The following CLEC16A variants were observed in gnomAD, a reference collection of about 807,000 sequenced individuals.
The protein encoded by CLEC16A is C-type lectin domain containing 16A, also known as protein CLEC16A.
In CLEC16A, 51 loss-of-function variants were observed where a neutral mutation model predicts 109.5. That is an observed-to-expected ratio of 0.47 (90% CI 0.37 to 0.59). The LOEUF (loss-of-function observed/expected upper bound fraction) is 0.59, where lower values mean the gene tolerates loss of function less well. Ranked by LOEUF, CLEC16A falls within the 20% of genes least tolerant of loss-of-function variation. CLEC16A has a pLI of 0.00. For missense variants in CLEC16A, 1,339 were observed against 1,394.0 expected (o/e 0.96, Z 0.63); for synonymous variants, 673 against 564.2 (o/e 1.19, Z -2.73).
At chr16:11,150,734 T>C (rs1271145947) in intron 22 of CLEC16A, among the ~76,000 whole-genome samples, 3 of 152,162 alleles carry the variant, frequency 2.0e-5, no homozygotes, top group Admixed American at 6.6e-5. Context: ...ACAGCAGAAA[T>C]TGATTGTCTC....
At chr16:10,965,787 G>A (rs1317475760) in intron 3 of CLEC16A, among the ~76,000 whole-genome samples, 1 of 152,166 alleles carries the variant, frequency 6.6e-6, no homozygotes, top group Non-Finnish European at 1.5e-5. Flanking sequence ...GATAATAGAG[G>A]CACCTCCAAC....
intron 19 of CLEC16A, among the ~76,000 whole-genome samples, chr16:11,105,323 C>T (rs1229372018): frequency 6.6e-6 from 1 of 152,166 alleles, no homozygotes; most frequent in Non-Finnish European, 1.5e-5. Context: ...AGTTGTCAAG[C>T]TGTGAACTGC....
chr16:11,036,657 C>T (rs1046703257), intron 13 of CLEC16A, among the ~76,000 whole-genome samples: 1 of 148,826 alleles, frequency 6.7e-6, no homozygotes, highest in African/African-American at 2.5e-5. Flanking sequence ...TCAAGCAATT[C>T]TCATTTCTGA....
At chr16:11,028,918 T>C (rs1006087680) in intron 13 of CLEC16A, among the ~76,000 whole-genome samples, 2 of 152,222 alleles carry the variant, frequency 1.3e-5, no homozygotes, top group African/African-American at 4.8e-5. Flanking sequence ...TCCCTTTTGA[T>C]TTCTTGTGTT....
chr16:11,125,858 G>T lies in CLEC16A; in HGVS notation c.2474-121G>T, dbSNP rs971601532. ...CTTGAGGCTGCCTGCCGCCCACTTG[G>T]CGTCTCCCAAGTGATGTGCCTGGCA... On this transcript the variant is annotated intron_variant, in intron 21 of 23. Transcript: ENST00000409790. 10 of 941,680 alleles carry T rather than the reference G, an allele frequency of 1.1e-5. No homozygotes were observed. In the East Asian group the frequency reaches 1.5e-4, roughly 14 times the overall value. 58.3% of individuals were successfully genotyped at this position (941,680 alleles called of 1,614,324 possible). A position where few individuals can be genotyped will look rare whatever the true frequency, so the allele number is the denominator to read the frequency against.
chr16:11,143,343 A>G (rs143632317), intron 22 of CLEC16A, among the ~76,000 whole-genome samples: 2 of 152,278 alleles, frequency 1.3e-5, no homozygotes, highest in East Asian at 1.9e-4. Context: ...CTCAGTAGGG[A>G]TGGCACCAGG....
At chr16:11,034,169 A>G (rs1003553070) in intron 13 of CLEC16A, among the ~76,000 whole-genome samples, 1 of 152,238 alleles carries the variant, frequency 6.6e-6, no homozygotes, top group African/African-American at 2.4e-5. Context: ...GAACTTGCAC[A>G]ACGTCAGTTT....
At chr16:11,033,631 C>G (rs551441440) in intron 13 of CLEC16A, among the ~76,000 whole-genome samples, 3 of 152,300 alleles carry the variant, frequency 2.0e-5, no homozygotes, top group African/African-American at 7.2e-5. Flanking sequence ...TTTCCAGATC[C>G]TTACCCCCCA....
At chr16:10,956,528 C>T (rs943527142) in intron 1 of CLEC16A, among the ~76,000 whole-genome samples, 4 of 152,206 alleles carry the variant, frequency 2.6e-5, no homozygotes, top group East Asian at 1.9e-4. Flanking sequence ...CCTTCTCAAG[C>T]CTGAGCTCCC....
At chr16:11,032,948 A>T (rs2046827784) in intron 13 of CLEC16A, among the ~76,000 whole-genome samples, 1 of 152,168 alleles carries the variant, frequency 6.6e-6, no homozygotes, top group African/African-American at 2.4e-5. Flanking sequence ...GGAAGTTTTT[A>T]AAAGAAACGT....
chr16:10,968,936 C>T (rs922380336), intron 3 of CLEC16A, among the ~76,000 whole-genome samples: 10 of 150,758 alleles, frequency 6.6e-5, no homozygotes, highest in African/African-American at 1.2e-4. Flanking sequence ...TGTGGGAGGG[C>T]GGGGAAGGGC....
At chr16:10,972,438 C>A in intron 5 of CLEC16A, 116 bp from the exon 6 acceptor site, 1 of 864,032 alleles carries the variant, frequency 1.2e-6, no homozygotes, top group Non-Finnish European at 1.9e-6. Context: ...AGATGCCTCC[C>A]ACCCTAGTCT....
intron 3 of CLEC16A, among the ~76,000 whole-genome samples, chr16:10,965,640 G>A (rs987973566): frequency 6.6e-6 from 1 of 152,236 alleles, no homozygotes; most frequent in Non-Finnish European, 1.5e-5. Context: ...AAATGCACCT[G>A]TTGCCTGTTG....
In CLEC16A at chr16:11,126,052, G is replaced by A. The variant is rs368984670; in HGVS notation, c.2547G>A (p.Gln849=). Residue 849 remains glutamine (Q), a synonymous_variant, in exon 22 of 24, where the codon CAG becomes CAA. Coordinates refer to ENST00000409790, the MANE Select transcript of CLEC16A (RefSeq NM_015226.3). ...GACTCGGCTCCTCCACCTCCACTCA[G>A]CACCTGCCTTTCCGCTTCTACGACC... ...GFGLGSSTST[Q]HLPFRFYDQG... is the part of the protein sequence containing the mutation. 8 of 1,613,780 alleles carry A rather than the reference G, an allele frequency of 5.0e-6. No individual in the cohort carries two copies. Among genetic ancestry groups the A allele is most frequent in the Non-Finnish European group, 6.8e-6 (8 of 1,179,868 alleles).
Position 11,092,075 on chromosome 16 carries a change from T to A in CLEC16A, c.2117-28540T>A, listed in dbSNP as rs184791742. Among the ~76,000 whole-genome samples, 409 of 152,272 alleles carry A rather than the reference T, an allele frequency of 2.7e-3. 4 individuals carry two copies. The highest frequency in any genetic ancestry group is 9.5e-3 in the African/African-American group (396 of 41,554). On this transcript the variant is annotated intron_variant, in intron 19 of 23. Coordinates refer to ENST00000409790, the MANE Select transcript of CLEC16A (RefSeq NM_015226.3). ...AAAAACACACTTAGGCCAAGCACAG[T>A]GGCTCACGCCTGTAATTTATCCAGC...
At chr16:11,106,251 A>G (rs2051212646) in intron 19 of CLEC16A, among the ~76,000 whole-genome samples, 1 of 152,158 alleles carries the variant, frequency 6.6e-6, no homozygotes, top group South Asian at 2.1e-4. Flanking sequence ...GAACACCCTC[A>G]TACTTGTCTA....
intron 11 of CLEC16A, among the ~76,000 whole-genome samples, chr16:11,019,480 A>T (rs1193627416): frequency 8.5e-5 from 13 of 152,232 alleles, no homozygotes; most frequent in Admixed American, 8.5e-4. Flanking sequence ...AAATGTAAGC[A>T]GCTTTAGGCC....
chr16:11,151,930 G>C (rs1388546026), intron 22 of CLEC16A, among the ~76,000 whole-genome samples: 1 of 152,224 alleles, frequency 6.6e-6, no homozygotes, highest in Non-Finnish European at 1.5e-5. Context: ...AGGAACCCGG[G>C]AAGTGAGAGC....
intron 4 of CLEC16A, 105 bp downstream of exon 4, chr16:10,969,414 A>G: frequency 1.2e-6 from 1 of 812,856 alleles, no homozygotes; most frequent in Non-Finnish European, 1.8e-6. Context: ...GTGTCTGTTT[A>G]CAAAGCTCTT....
Sources: gnomAD v4.1 joint callset for allele counts (sites outside exome capture counted in the v4.1 genomes callset) on GRCh38, gnomAD v4.1.1 for gene constraint, MANE v1.5 for transcripts, NCBI Gene and HGNC (gene_info 2026-07-23, HGNC 2026-07-21) for gene names.